Variants in ERBB4 observed in about 807,000 individuals in gnomAD.
ERBB4 encodes receptor tyrosine-protein kinase erbB-4.
Under a neutral mutation model 158.0 loss-of-function variants are expected in ERBB4, and 42 were observed. The observed-to-expected ratio is 0.27, with a 90% CI of 0.21 to 0.34. The LOEUF (loss-of-function observed/expected upper bound fraction) is 0.34, where lower values mean the gene tolerates loss of function less well. ERBB4 is among the 10% of genes least tolerant of loss of function. The probability of loss-of-function intolerance (pLI) is 1.00; values close to 1 mark genes in which losing one functional copy is unlikely to be tolerated. For synonymous variants in ERBB4, 583 were observed against 558.7 expected (o/e 1.04, Z -0.61); for missense variants, 1,333 against 1,624.1 (o/e 0.82, Z 3.08).
chr2:212,127,822 G>A (rs13005549), intron 1 of ERBB4, among the ~76,000 whole-genome samples: 1 of 152,076 alleles, frequency 6.6e-6, no homozygotes, highest in South Asian at 2.1e-4. Flanking sequence ...TACAAGCCAA[G>A]GAATGCCAAA....
chr2:211,495,816 T>C (rs1033542989), intron 20 of ERBB4, among the ~76,000 whole-genome samples: 4 of 152,048 alleles, frequency 2.6e-5, no homozygotes, highest in Non-Finnish European at 5.9e-5. Flanking sequence ...TTAATTAATA[T>C]ACAGTATTAA....
chr2:212,057,821 G>C (rs1019938018), intron 2 of ERBB4, among the ~76,000 whole-genome samples: 1 of 152,164 alleles, frequency 6.6e-6, no homozygotes, highest in Non-Finnish European at 1.5e-5. Flanking sequence ...GCCCACAAGA[G>C]AAAGCAGGAA....
chr2:212,034,876 C>CA (rs2125357348), intron 2 of ERBB4, among the ~76,000 whole-genome samples: 1 of 152,186 alleles, frequency 6.6e-6, no homozygotes, highest in African/African-American at 2.4e-5. Flanking sequence ...GGGATGGTTT[C>CA]ACTGGAACAA....
intron 20 of ERBB4, 81 bp downstream of exon 20, chr2:211,561,822 T>C: frequency 1.7e-6 from 2 of 1,201,522 alleles, no homozygotes; most frequent in Non-Finnish European, 1.2e-6. Context: ...GAAGACAACA[T>C]ATTTTCAATA....
intron 1 of ERBB4, among the ~76,000 whole-genome samples, chr2:212,515,116 G>A (rs1324516733): frequency 6.6e-6 from 1 of 152,162 alleles, no homozygotes; most frequent in Non-Finnish European, 1.5e-5. Flanking sequence ...TGAAGGAAAG[G>A]AAAGCTGAAA....
intron 3 of ERBB4, among the ~76,000 whole-genome samples, chr2:211,860,846 G>T (rs2077991400): frequency 7.0e-6 from 1 of 142,312 alleles, no homozygotes; most frequent in East Asian, 2.1e-4. Context: ...AGAATAATTT[G>T]GCATGAAAAT....
At chr2:211,728,582 C>T (rs1048266693) in intron 5 of ERBB4, among the ~76,000 whole-genome samples, 21 of 151,688 alleles carry the variant, frequency 1.4e-4, no homozygotes, top group Admixed American at 6.6e-4. Flanking sequence ...TAAAGTGCTT[C>T]GATGCATCAA....
At chr2:211,810,448 C>T (rs957865573) in intron 3 of ERBB4, among the ~76,000 whole-genome samples, 2 of 152,218 alleles carry the variant, frequency 1.3e-5, no homozygotes, top group Admixed American at 6.5e-5. Flanking sequence ...TATGTAATGG[C>T]CTTTTTTGTC....
chr2:211,957,530 A>T (rs1225481777), intron 2 of ERBB4, among the ~76,000 whole-genome samples: 1 of 152,132 alleles, frequency 6.6e-6, no homozygotes. Flanking sequence ...AGCTTTTAGC[A>T]GTATTATGTT....
At chr2:212,181,197 T>C (rs1024250132) in intron 1 of ERBB4, among the ~76,000 whole-genome samples, 1 of 151,698 alleles carries the variant, frequency 6.6e-6, no homozygotes, top group Non-Finnish European at 1.5e-5. Context: ...TCCTATAACT[T>C]GATGTGATTT....
chr2:212,089,657 G>A (rs1236482134), intron 2 of ERBB4, among the ~76,000 whole-genome samples: 2 of 152,132 alleles, frequency 1.3e-5, no homozygotes, highest in Non-Finnish European at 2.9e-5. Flanking sequence ...CTTCTGCCAT[G>A]AGTAAAAGCT....
intron 2 of ERBB4, among the ~76,000 whole-genome samples, chr2:211,951,304 G>A (rs2125149113): frequency 6.6e-6 from 1 of 152,212 alleles, no homozygotes; most frequent in South Asian, 2.1e-4. Context: ...TTGTAAAAGA[G>A]TAACATTAAT....
intron 12 of ERBB4, among the ~76,000 whole-genome samples, chr2:211,680,777 A>G (rs1427852355): frequency 6.6e-6 from 1 of 152,204 alleles, no homozygotes; most frequent in East Asian, 1.9e-4. Flanking sequence ...CTATCAACAA[A>G]TCTTGCTACT....
intron 1 of ERBB4, among the ~76,000 whole-genome samples, chr2:212,253,828 CA>C (rs1486282456): frequency 3.3e-5 from 5 of 152,130 alleles, no homozygotes; most frequent in Non-Finnish European, 5.9e-5. Flanking sequence ...GGGAACATCA[CA>C]GAGTGTATTT....
chr2:211,669,689 T>A (rs769815227), intron 14 of ERBB4, among the ~76,000 whole-genome samples: 8 of 152,226 alleles, frequency 5.3e-5, no homozygotes, highest in Non-Finnish European at 7.3e-5. Flanking sequence ...ATTTCTGTCA[T>A]TTTTAAGTAG....
At chr2:211,982,073 G>T (rs189951339) in intron 2 of ERBB4, among the ~76,000 whole-genome samples, 15 of 151,786 alleles carry the variant, frequency 9.9e-5, no homozygotes, top group African/African-American at 3.4e-4. Flanking sequence ...ATTTTAAAAT[G>T]CAGCAGCAAT....
chr2:212,056,629 T>A (rs112563769), intron 2 of ERBB4, among the ~76,000 whole-genome samples: 1 of 152,132 alleles, frequency 6.6e-6, no homozygotes. Flanking sequence ...ATATTCAACA[T>A]TCTTAAAGAA....
At chr2:212,106,300 G>A (rs2079224319) in intron 2 of ERBB4, among the ~76,000 whole-genome samples, 1 of 152,190 alleles carries the variant, frequency 6.6e-6, no homozygotes. Context: ...TGGAGATGAA[G>A]AACTTGTTGG....
At chr2:211,727,163 C>A (rs991805827) in intron 5 of ERBB4, among the ~76,000 whole-genome samples, 1 of 152,072 alleles carries the variant, frequency 6.6e-6, no homozygotes, top group Non-Finnish European at 1.5e-5. Flanking sequence ...AATATATCCA[C>A]GTTATATGGG....
Sources: allele counts gnomAD v4.1 joint callset (sites outside exome capture counted in the v4.1 genomes callset), GRCh38; gene constraint gnomAD v4.1.1; transcripts MANE v1.5; gene names NCBI Gene and HGNC (gene_info 2026-07-23, HGNC 2026-07-21).